The following SPAG16 variants were observed in gnomAD, a reference collection of about 807,000 sequenced individuals.
SPAG16 encodes sperm associated antigen 16, also known as sperm-associated antigen 16 protein.
In SPAG16, 86 loss-of-function variants were observed where a neutral mutation model predicts 80.4. The ratio of observed to expected loss-of-function variants is 1.07; its 90% confidence interval spans 0.90 to 1.28. SPAG16 has a LOEUF of 1.28. SPAG16 is among the 50% of genes most tolerant of loss of function. The pLI is 0.00. For missense variants in SPAG16, 870 were observed against 765.3 expected, an observed-to-expected ratio of 1.14 and a Z score of -1.61; for synonymous variants, 294 against 265.9, an observed-to-expected ratio of 1.11 and a Z score of -1.03.
chr2:213,317,243 G>T lies in SPAG16; in HGVS notation c.423G>T (p.Val141=). ...SEWYELIQKG[V]TELRTVGNVP... ...GGTATGAGTTAATACAGAAAGGAGT[G>T]ACTGAACTTAGAACTGTTGGGAATG... Residue 141 remains valine, a synonymous_variant, in exon 5 of 16, where the codon GTG becomes GTT. Transcript: ENST00000331683. 6.2e-7 allele frequency: 1 copy of T among 1,603,086 alleles called. No individual in the cohort carries two copies. Among genetic ancestry groups the T allele is most frequent in the South Asian group, 1.1e-5 (1 of 89,566 alleles).
chr2:213,593,693 G>A (rs569863762), intron 10 of SPAG16, among the ~76,000 whole-genome samples: 1 of 129,872 alleles, frequency 7.7e-6, no homozygotes, highest in Non-Finnish European at 1.6e-5. Context: ...ATTTAATAAT[G>A]GTTAACTGGA....
chr2:213,928,460 T>C (rs2078594721), intron 11 of SPAG16, among the ~76,000 whole-genome samples: 1 of 152,086 alleles, frequency 6.6e-6, no homozygotes, highest in Admixed American at 6.6e-5. Flanking sequence ...CTCCAGAAAC[T>C]TCAAGCTCTT....
At chr2:213,360,720 GA>G (rs2065932973) in intron 7 of SPAG16, among the ~76,000 whole-genome samples, 1 of 152,190 alleles carries the variant, frequency 6.6e-6, no homozygotes, top group South Asian at 2.1e-4. Flanking sequence ...TGGAGCTATA[GA>G]ATGAATTTAT....
chr2:213,980,038 G>T (rs2045613826), intron 12 of SPAG16, among the ~76,000 whole-genome samples: 1 of 151,576 alleles, frequency 6.6e-6, no homozygotes, highest in Admixed American at 6.6e-5. Flanking sequence ...CATCATGAAA[G>T]AACCAGACTT....
At chr2:214,058,858 A>G (rs1174263849) in intron 13 of SPAG16, among the ~76,000 whole-genome samples, 1 of 152,120 alleles carries the variant, frequency 6.6e-6, no homozygotes, top group East Asian at 1.9e-4. Flanking sequence ...AGGTGGATGA[A>G]GGGTATTAAA....
intron 15 of SPAG16, among the ~76,000 whole-genome samples, chr2:214,310,634 G>T (rs1559202357): frequency 6.6e-6 from 1 of 152,162 alleles, no homozygotes; most frequent in Non-Finnish European, 1.5e-5. Context: ...GGTTTCCAGG[G>T]TGGTAAAGAG....
At chr2:214,093,837 T>C (rs10207438) in intron 13 of SPAG16, among the ~76,000 whole-genome samples, 14,268 of 152,078 alleles carry the variant, frequency 0.094, 829 homozygotes, top group East Asian at 0.28. Context: ...AATGGCATGC[T>C]CTGGGGTCAC....
intron 15 of SPAG16, among the ~76,000 whole-genome samples, chr2:214,329,919 G>A (rs1439386858): frequency 2.0e-5 from 3 of 152,002 alleles, no homozygotes; most frequent in Non-Finnish European, 2.9e-5. Context: ...GGAACCATTA[G>A]AGAGAAAAAG....
At chr2:214,390,635 C>CT (rs1701023589) in intron 15 of SPAG16, among the ~76,000 whole-genome samples, 1 of 152,124 alleles carries the variant, frequency 6.6e-6, no homozygotes, top group African/African-American at 2.4e-5. Context: ...CATTCATCCC[C>CT]TTTCCACCTC....
intron 14 of SPAG16, among the ~76,000 whole-genome samples, chr2:214,129,273 G>A (rs2161022): frequency 0.12 from 18,473 of 152,064 alleles, 1,377 homozygotes; most frequent in East Asian, 0.29. Flanking sequence ...GCTGTGCTTT[G>A]TTTCAGTTCC....
At chr2:214,247,496 A>C (rs1230815221) in intron 15 of SPAG16, among the ~76,000 whole-genome samples, 1 of 152,196 alleles carries the variant, frequency 6.6e-6, no homozygotes, top group Non-Finnish European at 1.5e-5. Context: ...TTGCTGACTG[A>C]ATAAAAGCCT....
intron 9 of SPAG16, among the ~76,000 whole-genome samples, chr2:213,440,687 CT>C (rs753746520): frequency 2.0e-4 from 31 of 152,084 alleles, no homozygotes; most frequent in Non-Finnish European, 4.4e-4. Flanking sequence ...AATAACAGTA[CT>C]TTTAATAAAT....
chr2:213,437,134 C>T (rs141314722), intron 9 of SPAG16, among the ~76,000 whole-genome samples: 6 of 152,204 alleles, frequency 3.9e-5, no homozygotes, highest in African/African-American at 1.4e-4. Context: ...TTCCTGACCT[C>T]GTGATCTGCC....
chr2:214,081,797 C>T (rs906939559), intron 13 of SPAG16, among the ~76,000 whole-genome samples: 10 of 151,986 alleles, frequency 6.6e-5, no homozygotes, highest in Non-Finnish European at 1.5e-5. Flanking sequence ...AAATTTGCCT[C>T]ACATTGCAAC....
At chr2:213,628,709 C>T (rs2062043587) in intron 10 of SPAG16, among the ~76,000 whole-genome samples, 1 of 152,156 alleles carries the variant, frequency 6.6e-6, no homozygotes, top group Non-Finnish European at 1.5e-5. Context: ...GTGTATGTGA[C>T]ATCACTTTTC....
chr2:213,311,252 TATA>T (rs1051186395), intron 4 of SPAG16, among the ~76,000 whole-genome samples: 9 of 151,740 alleles, frequency 5.9e-5, no homozygotes, highest in Middle Eastern at 6.8e-3. Context: ...CCCTAAGAAA[TATA>T]ATAATTACAA....
intron 9 of SPAG16, among the ~76,000 whole-genome samples, chr2:213,423,368 T>TA (rs2069712904): frequency 6.6e-6 from 1 of 152,222 alleles, no homozygotes; most frequent in Non-Finnish European, 1.5e-5. Context: ...GAAATATTTT[T>TA]AAATAGGGTT....
chr2:213,754,674 A>G (rs1258422243), intron 10 of SPAG16, among the ~76,000 whole-genome samples: 3 of 151,532 alleles, frequency 2.0e-5, no homozygotes, highest in African/African-American at 7.3e-5. Flanking sequence ...ATAGTCTTAC[A>G]TTAGTCAAAA....
chr2:213,678,996 C>T (rs1169265904), intron 10 of SPAG16, among the ~76,000 whole-genome samples: 2 of 152,094 alleles, frequency 1.3e-5, no homozygotes, highest in East Asian at 1.9e-4. Flanking sequence ...GTGTCTGTTG[C>T]TGCTTCCTTT....
Sources: allele counts gnomAD v4.1 joint callset (sites outside exome capture counted in the v4.1 genomes callset), GRCh38; gene constraint gnomAD v4.1.1; transcripts MANE v1.5; gene names NCBI Gene and HGNC (gene_info 2026-07-23, HGNC 2026-07-21).